Variants in YES1 observed in about 807,000 individuals in gnomAD.
YES1 encodes the protein YES proto-oncogene 1, Src family tyrosine kinase.
Under a neutral mutation model 70.4 loss-of-function variants are expected in YES1, and 39 were observed. The ratio of observed to expected loss-of-function variants is 0.55; its 90% CI spans 0.43 to 0.72. YES1 has a LOEUF of 0.72. YES1 is among the 30% of genes least tolerant of loss of function. The pLI, the probability that YES1 is intolerant of heterozygous loss-of-function variation, is 0.00. For synonymous variants in YES1, 198 were observed against 218.6 expected (o/e 0.91, Z 0.83); for missense variants, 495 against 644.8 (o/e 0.77, Z 2.52).
At chr18:756,171 G>A (rs2076891002) in intron 2 of YES1, among the ~76,000 whole-genome samples, 1 of 151,954 alleles carries the variant, frequency 6.6e-6, no homozygotes, top group Non-Finnish European at 1.5e-5. Context: ...CATCTATTAA[G>A]TAACCACTAT....
At position 730,343 on chromosome 18, in the gene YES1, A is replaced by ATT. The variant is rs59787531; in HGVS notation, c.1423+2489_1423+2490dup. Among the ~76,000 whole-genome samples, 1,248 of 132,256 alleles carry ATT rather than the reference A, an allele frequency of 9.4e-3. 66 individuals carry two copies. In the East Asian group the frequency reaches 0.13, roughly 14 times the overall value. 86.8% of individuals were successfully genotyped at this position (132,256 alleles called of 152,430 possible). On this transcript the variant is annotated intron_variant, in intron 11 of 11. Coordinates refer to ENST00000314574, the MANE Select transcript of YES1 (RefSeq NM_005433.4). ...TAGAACTGACCAAGGACCCAAGAGG[A>ATT]TTTTTTTTTTTTTTTTTTTGAGACA...
intron 1 of YES1, among the ~76,000 whole-genome samples, chr18:788,524 G>C (rs1376876316): frequency 6.6e-6 from 1 of 152,106 alleles, no homozygotes; most frequent in Non-Finnish European, 1.5e-5. Flanking sequence ...TACACGTATG[G>C]AAGTTTCCAC....
chr18:744,877 A>G (rs916068935), intron 6 of YES1, among the ~76,000 whole-genome samples: 28 of 151,968 alleles, frequency 1.8e-4, no homozygotes, highest in African/African-American at 5.8e-4. Flanking sequence ...CCCTAGATTC[A>G]TAACAGCTTG....
At chr18:729,694 T>C (rs1427774217) in intron 11 of YES1, among the ~76,000 whole-genome samples, 1 of 135,118 alleles carries the variant, frequency 7.4e-6, no homozygotes, top group Non-Finnish European at 1.5e-5. Flanking sequence ...CGGCGCAATC[T>C]CAGCTCACTG....
intron 1 of YES1, among the ~76,000 whole-genome samples, chr18:793,416 A>G (rs891169107): frequency 2.0e-5 from 3 of 152,156 alleles, no homozygotes; most frequent in Non-Finnish European, 4.4e-5. Flanking sequence ...CGCTCACTAC[A>G]GCTTCGAACT....
chr18:812,510 C>G (rs919039925), upstream of YES1: 1 of 152,240 alleles, frequency 6.6e-6, no homozygotes, highest in Non-Finnish European at 1.5e-5. Context: ...TTGCTGTGGT[C>G]AGGATAGGCG....
chr18:802,841 G>A (rs907815093), intron 1 of YES1, among the ~76,000 whole-genome samples: 8 of 152,088 alleles, frequency 5.3e-5, no homozygotes, highest in Non-Finnish European at 1.0e-4. Flanking sequence ...CTAGCACTTC[G>A]GGAGGTTGAG....
rs573719231 is a variant in YES1 at position 748,304 on chromosome 18, G to T, written c.372-286C>A. ...ACAATTCTTTCAACCTAAGACAGACGATAGTGAATAAAACAATTTGGGAGG... is the reference window on the plus strand; with the variant it reads ...ACAATTCTTTCAACCTAAGACAGACTATAGTGAATAAAACAATTTGGGAGG... On this transcript the variant is annotated intron_variant, in intron 3 of 11. Transcript: ENST00000314574. Among the ~76,000 whole-genome samples, 18 of 150,784 alleles carry T rather than the reference G, an allele frequency of 1.2e-4. 1 individual carries two copies. Among genetic ancestry groups the T allele is most frequent in the South Asian group, 1.1e-3 (5 of 4,760 alleles).
intron 11 of YES1, among the ~76,000 whole-genome samples, chr18:727,356 T>C (rs2080032995): frequency 6.6e-6 from 1 of 152,198 alleles, no homozygotes; most frequent in African/African-American, 2.4e-5. Flanking sequence ...TACCTTAAAG[T>C]ATGTATCTTA....
At chr18:777,303 T>C (rs948989054) in intron 1 of YES1, among the ~76,000 whole-genome samples, 6 of 152,232 alleles carry the variant, frequency 3.9e-5, no homozygotes, top group Admixed American at 6.5e-5. Flanking sequence ...TTTAATTTTG[T>C]TGGAAAAATA....
chr18:788,589 G>T (rs981348104), intron 1 of YES1, among the ~76,000 whole-genome samples: 1 of 152,132 alleles, frequency 6.6e-6, no homozygotes, highest in African/African-American at 2.4e-5. Flanking sequence ...ACAACATTAA[G>T]AATTTTTGTA....
At chr18:800,629 T>C (rs1466009054) in intron 1 of YES1, among the ~76,000 whole-genome samples, 2 of 152,204 alleles carry the variant, frequency 1.3e-5, no homozygotes, top group Non-Finnish European at 2.9e-5. Flanking sequence ...AAGAAAAGGC[T>C]ACTAAGATGG....
chr18:810,009 G>GT (rs71174293), intron 1 of YES1, among the ~76,000 whole-genome samples: 15,156 of 141,938 alleles, frequency 0.11, 787 homozygotes, highest in Non-Finnish European at 0.12. Flanking sequence ...TTCCTTGCAG[G>GT]TTTTTTTTTT....
At chr18:808,226 T>C (rs1907196853) in intron 1 of YES1, among the ~76,000 whole-genome samples, 2 of 152,146 alleles carry the variant, frequency 1.3e-5, no homozygotes, top group Admixed American at 6.5e-5. Flanking sequence ...CATACAGACA[T>C]GTGAAAACGA....
At chr18:733,453 T>A (rs1555682692) in intron 10 of YES1, among the ~76,000 whole-genome samples, 1 of 152,160 alleles carries the variant, frequency 6.6e-6, no homozygotes. Context: ...ATCTTTTTTG[T>A]GGAGGGCATT....
intron 1 of YES1, among the ~76,000 whole-genome samples, chr18:804,023 GT>G (rs1194740135): frequency 1.3e-5 from 2 of 152,100 alleles, no homozygotes; most frequent in African/African-American, 4.8e-5. Context: ...TGTAATTTTA[GT>G]TTCTTTGTTT....
At chr18:786,211 C>A (rs1905929319) in intron 1 of YES1, among the ~76,000 whole-genome samples, 1 of 148,778 alleles carries the variant, frequency 6.7e-6, no homozygotes, top group African/African-American at 2.5e-5. Flanking sequence ...AAGCTGGTCT[C>A]CACACAGGAA....
At chr18:789,319 C>T (rs1026030950) in intron 1 of YES1, among the ~76,000 whole-genome samples, 3 of 152,096 alleles carry the variant, frequency 2.0e-5, no homozygotes, top group South Asian at 2.1e-4. Flanking sequence ...TGGTGACTCA[C>T]GCATGTAATC....
At chr18:762,546 AAAAAATAAAACATTTATATGGAAAAGT>A (rs1183866848) in intron 1 of YES1, among the ~76,000 whole-genome samples, 1 of 152,098 alleles carries the variant, frequency 6.6e-6, no homozygotes, top group Non-Finnish European at 1.5e-5. Flanking sequence ...CCCCAAAATA[AAAAAATAAAACATTTATATGGAAAAGT>A]CTCTTCCAAG....
Sources: allele counts gnomAD v4.1 joint callset (sites outside exome capture counted in the v4.1 genomes callset), GRCh38; gene constraint gnomAD v4.1.1; transcripts MANE v1.5; gene names NCBI Gene and HGNC (gene_info 2026-07-23, HGNC 2026-07-21).